The following ZFAT variants were observed in gnomAD, a reference collection of about 807,000 sequenced individuals.
ZFAT encodes zinc finger protein ZFAT.
In ZFAT, 64 loss-of-function variants were observed where a neutral mutation model predicts 117.7. That is an observed-to-expected ratio of 0.54 (90% CI 0.44 to 0.67). The LOEUF (loss-of-function observed/expected upper bound fraction) is 0.67. Ranked by LOEUF, ZFAT falls within the 30% of genes least tolerant of loss-of-function variation. The pLI is 0.00. For missense variants in ZFAT, 1,433 were observed against 1,584.5 expected, an observed-to-expected ratio of 0.90 and a Z score of 1.62; for synonymous variants, 679 against 615.0, an observed-to-expected ratio of 1.10 and a Z score of -1.54.
chr8:134,793,281 T>C, the ZFAT span: 1 of 152,186 alleles, frequency 6.6e-6, no homozygotes, highest in Non-Finnish European at 1.5e-5. Context: ...TTGATAGCAA[T>C]TTAGCACTAC....
At chr8:134,536,835 A>C (rs1471362360) in intron 11 of ZFAT, among the ~76,000 whole-genome samples, 1 of 152,254 alleles carries the variant, frequency 6.6e-6, no homozygotes, top group Non-Finnish European at 1.5e-5. Context: ...AGAAACTCGC[A>C]AACAACAAAT....
At chr8:134,748,573 T>C in the ZFAT span, among the ~76,000 whole-genome samples, 1 of 152,194 alleles carries the variant, frequency 6.6e-6, no homozygotes, top group African/African-American at 2.4e-5. Flanking sequence ...TTTACACTTA[T>C]CTTAGTGAAT....
At chr8:134,727,345 G>C in the ZFAT span, among the ~76,000 whole-genome samples, 1 of 152,096 alleles carries the variant, frequency 6.6e-6, no homozygotes, top group African/African-American at 2.4e-5. Flanking sequence ...AGGTCCTGAG[G>C]TCAGGACACT....
Position 134,602,967 on chromosome 8 carries a change from G to A in ZFAT, c.786-34C>T, listed in dbSNP as rs73365373. 3.4e-3 allele frequency: 5,357 copies of A among 1,566,932 alleles called. 153 individuals carry two copies. In the African/African-American group the frequency reaches 0.061, roughly 18 times the overall value. On this transcript the variant is annotated intron_variant, in intron 5 of 15. Transcript: ENST00000377838. ...AGATGACAGCATGGTTACATCTGGA[G>A]ACCTTGAATGTTCCTCATGAACTCT...
chr8:134,555,115 G>A (rs560514883), intron 11 of ZFAT, among the ~76,000 whole-genome samples: 2 of 152,182 alleles, frequency 1.3e-5, no homozygotes, highest in African/African-American at 2.4e-5. Context: ...CGGGGTGAAG[G>A]CTAGGGGAAA....
intron 3 of ZFAT, among the ~76,000 whole-genome samples, chr8:134,624,211 CA>C (rs1829335728): frequency 2.0e-5 from 3 of 152,170 alleles, no homozygotes; most frequent in East Asian, 3.9e-4. Flanking sequence ...CACACACACA[CA>C]CACACACCCT....
intron 1 of ZFAT, among the ~76,000 whole-genome samples, chr8:134,665,088 C>A (rs1832142336): frequency 6.6e-6 from 1 of 152,228 alleles, no homozygotes; most frequent in South Asian, 2.1e-4. Flanking sequence ...AACCTCTGAC[C>A]TCCCTGCCTG....
intron 10 of ZFAT, among the ~76,000 whole-genome samples, chr8:134,569,302 A>G (rs1824706726): frequency 6.6e-6 from 1 of 152,074 alleles, no homozygotes; most frequent in African/African-American, 2.4e-5. Context: ...TACAGCTTAT[A>G]TTTTCAAATA....
intron 15 of ZFAT, among the ~76,000 whole-genome samples, chr8:134,486,962 A>T (rs1275627982): frequency 1.3e-5 from 2 of 152,130 alleles, no homozygotes; most frequent in African/African-American, 2.4e-5. Context: ...GTATATCTGT[A>T]TGTACAGGTG....
the ZFAT span, among the ~76,000 whole-genome samples, chr8:134,763,554 T>C: frequency 1.3e-5 from 2 of 152,208 alleles, no homozygotes; most frequent in African/African-American, 2.4e-5. Context: ...CACTCATTCA[T>C]TGATTGATTT....
chr8:134,567,846 C>T (rs541682553), intron 10 of ZFAT, among the ~76,000 whole-genome samples: 23 of 152,376 alleles, frequency 1.5e-4, no homozygotes, highest in Middle Eastern at 6.8e-3. Context: ...AATGCACTGT[C>T]TCGCAGCATC....
intron 1 of ZFAT, among the ~76,000 whole-genome samples, chr8:134,675,663 C>T (rs1360367212): frequency 1.3e-5 from 2 of 152,048 alleles, no homozygotes; most frequent in Non-Finnish European, 2.9e-5. Context: ...TCAAATTCAC[C>T]AAGGTTGAAA....
At chr8:134,690,633 T>C (rs965687208) in intron 1 of ZFAT, among the ~76,000 whole-genome samples, 2 of 152,012 alleles carry the variant, frequency 1.3e-5, no homozygotes, top group East Asian at 1.9e-4. Flanking sequence ...AATTCCAGAG[T>C]AGAGCTTTAA....
intron 11 of ZFAT, among the ~76,000 whole-genome samples, chr8:134,537,554 AGTGTG>A (rs1388376257): frequency 1.3e-5 from 2 of 152,190 alleles, no homozygotes. Context: ...GATACCAGCC[AGTGTG>A]CTGTGTGCTG....
chr8:134,536,823 A>C (rs1171285025), intron 11 of ZFAT, among the ~76,000 whole-genome samples: 1 of 152,240 alleles, frequency 6.6e-6, no homozygotes, highest in Non-Finnish European at 1.5e-5. Context: ...TAAATCATAG[A>C]CAGAAACTCG....
rs533869883 is a variant in ZFAT at position 134,550,997 on chromosome 8, T to C, written c.2976+14336A>G. The stretch of plus-strand genomic sequence containing the variant: ...CCCTCTGCCCCTTGGTTCAGTAGTT[T>C]CCACTGAACCTGGAAAATGTTCTGG... On this transcript the variant is annotated intron_variant, in intron 11 of 15. Coordinates refer to ENST00000377838, the MANE Select transcript of ZFAT (RefSeq NM_020863.4). Among the ~76,000 whole-genome samples, 6 of 152,322 alleles carry C rather than the reference T, an allele frequency of 3.9e-5. No homozygotes were observed. The East Asian group carries it at 9.6e-4, about 24-fold the overall frequency.
chr8:134,817,657 A>C, the ZFAT span, among the ~76,000 whole-genome samples: 2 of 152,182 alleles, frequency 1.3e-5, no homozygotes, highest in African/African-American at 4.8e-5. Flanking sequence ...TGCAATTCCA[A>C]TCAAAACGTC....
chr8:134,793,785 C>T, the ZFAT span: 1 of 152,236 alleles, frequency 6.6e-6, no homozygotes, highest in South Asian at 2.1e-4. Flanking sequence ...CTAATCAAAT[C>T]CTCATTACAA....
At chr8:134,532,737 G>T (rs368335909) in intron 12 of ZFAT, 97 bp downstream of exon 12, 7 of 1,461,976 alleles carry the variant, frequency 4.8e-6, no homozygotes, top group Non-Finnish European at 6.4e-6. Flanking sequence ...CATTTATGTA[G>T]CAGAACTGAA....
Sources: allele counts gnomAD v4.1 joint callset (sites outside exome capture counted in the v4.1 genomes callset), GRCh38; gene constraint gnomAD v4.1.1; transcripts MANE v1.5; gene names NCBI Gene and HGNC (gene_info 2026-07-23, HGNC 2026-07-21).